Variants in MBD5 observed in about 807,000 individuals in gnomAD.
MBD5 encodes the protein methyl-CpG-binding domain protein 5.
MBD5 carries 13 observed loss-of-function variants against 117.3 expected under a neutral mutation model. That is an observed-to-expected ratio of 0.11 (90% confidence interval 0.07 to 0.18). The LOEUF (loss-of-function observed/expected upper bound fraction) is 0.18. MBD5 is among the 10% of genes least tolerant of loss of function. The pLI, the probability that MBD5 is intolerant of heterozygous loss-of-function variation, is 1.00. For missense variants in MBD5, 1,879 were observed against 2,093.8 expected (o/e 0.90, Z 2.00); for synonymous variants, 727 against 766.4 (o/e 0.95, Z 0.85).
chr2:148,242,960 A>C lies in MBD5; in HGVS notation c.-680+9565A>C, dbSNP rs115523320. 3.2e-3 allele frequency among the ~76,000 whole-genome samples: 494 copies of C among 152,316 alleles called. 1 individual carries two copies. Among genetic ancestry groups the C allele is most frequent in the African/African-American group, 0.011 (478 of 41,578 alleles). On this transcript the variant is annotated intron_variant, in intron 3 of 13. Transcript: ENST00000642680. ...CTATAGTGGAAGTAATGTTATGCTG[A>C]AGACAACAGGGGAAACTGGTTGAGG...
rs975060470 is a variant in MBD5 at position 148,064,572 on chromosome 2, T to G, written c.-925+42888T>G. Among the ~76,000 whole-genome samples, 5 of 152,124 alleles carry G rather than the reference T, an allele frequency of 3.3e-5. 1 individual carries two copies. The South Asian group carries it at 1.0e-3, about 31-fold the overall frequency. ...ACTCTAATTTGGCTGCTAGATACCTTTCTTTGAGGCAAACCGATTCTCCCA... is the reference window on the plus strand; with the variant it reads ...ACTCTAATTTGGCTGCTAGATACCTGTCTTTGAGGCAAACCGATTCTCCCA... On this transcript the variant is annotated intron_variant, in intron 1 of 13. Transcript: ENST00000642680.
chr2:148,305,266 G>A (rs75713459), intron 3 of MBD5, among the ~76,000 whole-genome samples: 18,162 of 152,096 alleles, frequency 0.12, 1,439 homozygotes, highest in Non-Finnish European at 0.18. Context: ...TCAAAGGAGA[G>A]AGTTTCTGTC....
intron 4 of MBD5, among the ~76,000 whole-genome samples, chr2:148,386,511 G>A (rs1359216342): frequency 6.6e-6 from 1 of 151,808 alleles, no homozygotes; most frequent in Non-Finnish European, 1.5e-5. Flanking sequence ...GAGGTCAGGA[G>A]ATCGAGACCA....
intron 3 of MBD5, among the ~76,000 whole-genome samples, chr2:148,268,262 G>GTA (rs1700905503): frequency 6.6e-6 from 1 of 151,572 alleles, no homozygotes; most frequent in Admixed American, 6.6e-5. Context: ...TTTTCCTTTT[G>GTA]TATAGCCTGG....
intron 2 of MBD5, among the ~76,000 whole-genome samples, chr2:148,198,916 G>A (rs1019384631): frequency 6.6e-6 from 1 of 151,618 alleles, no homozygotes; most frequent in Non-Finnish European, 1.5e-5. Context: ...CAGTAGGGGG[G>A]AATATATATA....
chr2:148,257,044 C>T (rs1210445700), intron 3 of MBD5, among the ~76,000 whole-genome samples: 1 of 152,188 alleles, frequency 6.6e-6, no homozygotes, highest in African/African-American at 2.4e-5. Context: ...CTCTCACAAG[C>T]CTGAAGGGTG....
At chr2:148,222,278 A>ATG (rs1348682215) in intron 2 of MBD5, among the ~76,000 whole-genome samples, 2 of 151,892 alleles carry the variant, frequency 1.3e-5, no homozygotes, top group Admixed American at 1.3e-4. Flanking sequence ...TACAAAATTT[A>ATG]TGTGTGTGTG....
chr2:148,250,405 C>T (rs1267908977), intron 3 of MBD5, among the ~76,000 whole-genome samples: 3 of 152,120 alleles, frequency 2.0e-5, no homozygotes, highest in Non-Finnish European at 1.5e-5. Flanking sequence ...CACAAGTTTA[C>T]CTGTGTAACA....
intron 1 of MBD5, among the ~76,000 whole-genome samples, chr2:148,102,754 AG>A (rs1696262805): frequency 9.2e-6 from 1 of 108,548 alleles, no homozygotes; most frequent in South Asian, 3.6e-4. Flanking sequence ...AGAGAGAGAG[AG>A]AGAGAGGAAG....
At chr2:148,411,806 C>G (rs1705259531) in intron 4 of MBD5, among the ~76,000 whole-genome samples, 1 of 151,896 alleles carries the variant, frequency 6.6e-6, no homozygotes, top group South Asian at 2.1e-4. Flanking sequence ...TCTGTTTACT[C>G]TTGATAGTTT....
chr2:148,244,474 ATG>A (rs2106209728), intron 3 of MBD5: 1 of 152,310 alleles, frequency 6.6e-6, no homozygotes, highest in East Asian at 1.9e-4. Flanking sequence ...AATCTATATT[ATG>A]TGAGTTTTTT....
At position 148,483,549 on chromosome 2, in the gene MBD5, T is replaced by G. The variant is rs1344013413; in HGVS notation, c.2958T>G (p.Phe986Leu). The change falls in exon 9 of 14, where the codon TTT becomes TTG. Residue 986 changes from phenylalanine to leucine, a missense_variant. Around this residue, in one of 4 missense-constraint regions of MBD5, gnomAD observed 1,666 missense variants for 1,792.2 expected, o/e 0.93. Transcript: ENST00000642680. The stretch of plus-strand genomic sequence containing the variant: ...GGCAGGTATTGCAGCCTGTTCACTT[T>G]CAGCTCTTAGCAGCCTTGCTTCAGA... ...MDGQVLQPVH[F>L]QLLAALLQNQ... The G allele has an allele frequency of 2.5e-6, 4 of 1,585,780 alleles. No homozygotes were observed. The African/African-American group carries it at 5.4e-5, about 21-fold the overall frequency.
At chr2:148,180,343 C>CATATATATATATATATTT (rs1698497802) in intron 2 of MBD5, among the ~76,000 whole-genome samples, 1 of 105,544 alleles carries the variant, frequency 9.5e-6, no homozygotes, top group Non-Finnish European at 1.8e-5. Context: ...AAAAATTATA[C>CATATATATATATATATTT]ATATATATAT....
At chr2:148,040,940 GTGATA>G (rs1305476700) in intron 1 of MBD5, among the ~76,000 whole-genome samples, 2 of 152,040 alleles carry the variant, frequency 1.3e-5, no homozygotes, top group African/African-American at 4.8e-5. Flanking sequence ...TTATCTACCA[GTGATA>G]TGCTTTTGTG....
chr2:148,075,630 G>T (rs1695490007), intron 1 of MBD5, among the ~76,000 whole-genome samples: 1 of 149,982 alleles, frequency 6.7e-6, no homozygotes, highest in Non-Finnish European at 1.5e-5. Flanking sequence ...GTGACTTCTT[G>T]TGGGTCTTTT....
chr2:148,067,620 G>A (rs1186215930), intron 1 of MBD5, among the ~76,000 whole-genome samples: 2 of 152,306 alleles, frequency 1.3e-5, no homozygotes, highest in East Asian at 1.9e-4. Context: ...ATTAAAGCAA[G>A]TAGAAATAAG....
At chr2:148,504,385 A>G (rs1681965463) in intron 12 of MBD5, among the ~76,000 whole-genome samples, 1 of 152,212 alleles carries the variant, frequency 6.6e-6, no homozygotes, top group Non-Finnish European at 1.5e-5. Flanking sequence ...ATGGGTCAAA[A>G]TTACTGAGCC....
intron 1 of MBD5, among the ~76,000 whole-genome samples, chr2:148,097,161 T>C (rs1231747545): frequency 1.3e-5 from 2 of 152,176 alleles, no homozygotes; most frequent in African/African-American, 2.4e-5. Flanking sequence ...AAAAATAGGA[T>C]ACAAAGTTTA....
At chr2:148,434,996 T>C (rs1706112842) in intron 4 of MBD5, among the ~76,000 whole-genome samples, 1 of 152,166 alleles carries the variant, frequency 6.6e-6, no homozygotes, top group South Asian at 2.1e-4. Context: ...ATTTACATAA[T>C]GGTAAGCATA....
Sources: allele counts gnomAD v4.1 joint callset (sites outside exome capture counted in the v4.1 genomes callset), GRCh38; gene constraint gnomAD v4.1.1; regional missense constraint gnomAD v4.1.1; transcripts MANE v1.5; gene names NCBI Gene and HGNC (gene_info 2026-07-23, HGNC 2026-07-21).